OR51B5: variants seen among roughly 807,000 people sequenced by gnomAD.
OR51B5 encodes olfactory receptor 51B5.
For missense variants in OR51B5, 456 were observed against 374.6 expected (o/e 1.22, Z -1.79); for synonymous variants, 186 against 144.8 (o/e 1.28, Z -2.04).
At chr11:5,392,555 A>C (rs1036166691) in intron 1 of OR51B5, 2 of 152,222 alleles carry the variant, frequency 1.3e-5, no homozygotes, top group African/African-American at 4.8e-5. Flanking sequence ...ACCTTACTCA[A>C]ATTTAAAATG....
chr11:5,434,460 T>G (rs1362199514), intron 1 of OR51B5, among the ~76,000 whole-genome samples: 1 of 152,182 alleles, frequency 6.6e-6, no homozygotes, highest in Non-Finnish European at 1.5e-5. Flanking sequence ...GCCTAGGTTT[T>G]GGGGCTAGTG....
rs181598541 is a variant in OR51B5, at chr11:5,494,196, G to A, written n.84+11373C>T. 1.6e-4 allele frequency among the ~76,000 whole-genome samples: 25 copies of A among 152,316 alleles called. No individual in the cohort carries two copies. In the East Asian group the frequency reaches 4.4e-3, roughly 27 times the overall value. ...AGTTTCTGGCTTTGTTTTAGCAAAT[G>A]CATTAATGTGTGGCAAGAAATAACA... On this transcript the variant is annotated intron_variant and non_coding_transcript_variant, in intron 1 of 4. Transcript: ENST00000415970.
intron 1 of OR51B5, among the ~76,000 whole-genome samples, chr11:5,433,313 ATAGT>A (rs1850556821): frequency 6.6e-6 from 1 of 152,246 alleles, no homozygotes. Flanking sequence ...ACAATGTAAC[ATAGT>A]TAATGTAATA....
intron 1 of OR51B5, among the ~76,000 whole-genome samples, chr11:5,410,531 A>G (rs1850131530): frequency 1.3e-5 from 2 of 152,212 alleles, no homozygotes; most frequent in Admixed American, 1.3e-4. Context: ...ATAGATTATA[A>G]TGAAAGTGAA....
chr11:5,342,816 T>C, exon 1 of OR51B5: 1 of 1,613,536 alleles, frequency 6.2e-7, no homozygotes, highest in Non-Finnish European at 8.5e-7. Context: ...ACACAGGTAA[T>C]GAGAGCCTTG....
chr11:5,502,761 G>C lies in OR51B5; in HGVS notation n.84+2808C>G, dbSNP rs554481336. On this transcript the variant is annotated intron_variant and non_coding_transcript_variant, in intron 1 of 4. Coordinates refer to the OR51B5 transcript ENST00000415970. ...GTAATTATAGAGCCTACCTTACAGG[G>C]TTTCTGTAAGAAATAAATGAATATA... 7.2e-5 allele frequency among the ~76,000 whole-genome samples: 11 copies of C among 152,230 alleles called. No individual in the cohort carries two copies. In the East Asian group the frequency reaches 2.1e-3, roughly 29 times the overall value.
rs76076639 is a variant in OR51B5, at chr11:5,422,896, C to T, written n.85-75986G>A. On this transcript the variant is annotated intron_variant and non_coding_transcript_variant, in intron 1 of 4. Coordinates refer to the OR51B5 transcript ENST00000415970. ...TGAAAAATATCTTGGGCACAGCCAC[C>T]TGGGCTGAGCGACTCCGTGCCCTCA... 4 of 1,613,940 alleles carry T rather than the reference C, an allele frequency of 2.5e-6. No homozygotes were observed. In the African/African-American group the frequency reaches 4.0e-5, roughly 16 times the overall value.
At chr11:5,352,559 G>C in intron 1 of OR51B5, 1 of 670,668 alleles carries the variant, frequency 1.5e-6, no homozygotes, top group Non-Finnish European at 2.6e-6. Flanking sequence ...CAATCCCTGA[G>C]CATTTCAGTG....
chr11:5,477,374 G>A (rs968697304), intron 1 of OR51B5, among the ~76,000 whole-genome samples: 10 of 152,088 alleles, frequency 6.6e-5, no homozygotes, highest in South Asian at 6.2e-4. Context: ...CAATCCTACC[G>A]GTCACCTTGA....
At chr11:5,373,621 C>G (rs1205032669) in intron 1 of OR51B5, among the ~76,000 whole-genome samples, 1 of 152,172 alleles carries the variant, frequency 6.6e-6, no homozygotes, top group East Asian at 1.9e-4. Context: ...GGGCCACTCC[C>G]ACCCGAATAC....
At chr11:5,470,091 T>C (rs891402426) in intron 1 of OR51B5, among the ~76,000 whole-genome samples, 2 of 152,236 alleles carry the variant, frequency 1.3e-5, no homozygotes, top group African/African-American at 4.8e-5. Context: ...GATTCTCAAA[T>C]TGTGCTGTAT....
At chr11:5,481,039 G>A (rs1284653883) in intron 1 of OR51B5, among the ~76,000 whole-genome samples, 1 of 49,974 alleles carries the variant, frequency 2.0e-5, no homozygotes, top group African/African-American at 5.5e-5. Flanking sequence ...ACCAAAGCCA[G>A]GCAGAGACAC....
intron 1 of OR51B5, among the ~76,000 whole-genome samples, chr11:5,429,074 A>G (rs1850492836): frequency 1.3e-5 from 2 of 152,142 alleles, no homozygotes; most frequent in Non-Finnish European, 2.9e-5. Context: ...CTCATGACTC[A>G]GCTGGTCCTC....
At chr11:5,483,514 A>AAAAAG (rs370964059) in intron 1 of OR51B5, among the ~76,000 whole-genome samples, 1,558 of 140,836 alleles carry the variant, frequency 0.011, 35 homozygotes, top group African/African-American at 0.038. Context: ...TAATTAAAAA[A>AAAAAG]AAAAGAAAAG....
At chr11:5,342,988 G>T (rs150082635) in exon 1 of OR51B5, 2 of 1,613,386 alleles carry the variant, frequency 1.2e-6, no homozygotes, top group Non-Finnish European at 8.5e-7. Flanking sequence ...TGACATCCTG[G>T]TGAAGGCAGA....
intron 1 of OR51B5, among the ~76,000 whole-genome samples, chr11:5,393,628 G>A (rs188729563): frequency 1.3e-5 from 2 of 152,192 alleles, no homozygotes; most frequent in Non-Finnish European, 2.9e-5. Context: ...TTATGATCAT[G>A]ATAAATGCTA....
chr11:5,347,164 G>A (rs1180267266), upstream of OR51B5, among the ~76,000 whole-genome samples: 1 of 152,142 alleles, frequency 6.6e-6, no homozygotes, highest in Admixed American at 6.6e-5. Flanking sequence ...CATAGCCCCA[G>A]CAGACTCTGG....
chr11:5,343,128 C>A, exon 1 of OR51B5: 1 of 1,613,464 alleles, frequency 6.2e-7, no homozygotes, highest in Non-Finnish European at 8.5e-7. Flanking sequence ...TTAGTAAGTA[C>A]AGAGGTATAT....
intron 1 of OR51B5, among the ~76,000 whole-genome samples, chr11:5,406,699 T>A (rs1029448258): frequency 2.0e-5 from 3 of 152,048 alleles, no homozygotes; most frequent in African/African-American, 7.2e-5. Flanking sequence ...AGAAAAGATA[T>A]AGAAATAGTT....
Sources: allele counts gnomAD v4.1 joint callset (sites outside exome capture counted in the v4.1 genomes callset), GRCh38; gene constraint gnomAD v4.1.1; transcripts MANE v1.5; gene names NCBI Gene and HGNC (gene_info 2026-07-23, HGNC 2026-07-21).